Variants in CCDC97 observed in about 807,000 individuals in gnomAD.
CCDC97 encodes the protein coiled-coil domain containing 97.
A neutral mutation model predicts 33.9 loss-of-function variants in CCDC97; 27 were observed. The observed-to-expected ratio is 0.80, with a 90% CI of 0.59 to 1.10. The LOEUF is 1.10. Among genes scored for constraint, CCDC97 ranks in the 50% least tolerant of loss-of-function variants. CCDC97 has a pLI of 0.00. For missense variants in CCDC97, 422 were observed against 476.6 expected, an observed-to-expected ratio of 0.89 and a Z score of 1.07; for synonymous variants, 217 against 194.0, an observed-to-expected ratio of 1.12 and a Z score of -0.99.
intron 1 of CCDC97, among the ~76,000 whole-genome samples, chr19:41,311,784 G>C (rs1167590520): frequency 6.6e-6 from 1 of 151,662 alleles, no homozygotes. Flanking sequence ...CTGTGGTCCC[G>C]GCTACTCAGG....
intron 3 of CCDC97, 84 bp from the exon 4 acceptor site, chr19:41,320,257 G>T: frequency 6.4e-7 from 1 of 1,570,752 alleles, no homozygotes. Context: ...GCTGGGCACA[G>T]GAGCAGCAGC....
In CCDC97 at chr19:41,320,468, C is replaced by T. The variant is rs777084762; in HGVS notation, c.909C>T (p.Tyr303=). Residue 303 remains tyrosine (Y), a splice_region_variant and synonymous_variant, in exon 4 of 5, where the codon TAC becomes TAT. Transcript: ENST00000269967. ...ATGGCAAGGACGGGGACTTTGACTA[C>T]AGGTGCTCCTGTGCCTCCACCTCCC... ...FLDGKDGDFD[Y]STVDDNPDFD... 75 of 1,613,802 alleles carry T rather than the reference C, an allele frequency of 4.6e-5. No individual in the cohort carries two copies. Among genetic ancestry groups the T allele is most frequent in the Non-Finnish European group, 5.7e-5 (67 of 1,179,918 alleles).
Position 41,316,389 on chromosome 19 carries a change from A to G in CCDC97, c.52A>G (p.Ile18Val), listed in dbSNP as rs760285485. Residue 18 changes from isoleucine (I) to valine (V), a missense_variant, in exon 2 of 5, where the codon ATA becomes GTA. Physicochemically the swap from Ile to Val is conservative, Grantham distance 29 (BLOSUM62 3). Coordinates refer to ENST00000269967, the MANE Select transcript of CCDC97 (RefSeq NM_052848.3). ...CCAATCTCTCCTTTCCTCAGGCTGC[A>G]TAGAGCCTGGACCTGGGCACTGGGG... ...TAAKEPDKGC[I>V]EPGPGHWGEL... is the part of the protein sequence containing the mutation. 5 of 1,609,152 alleles carry G rather than the reference A, an allele frequency of 3.1e-6. No homozygotes were observed. The East Asian group carries it at 6.7e-5, about 22-fold the overall frequency.
At position 41,310,698 on chromosome 19, in the gene CCDC97, T is replaced by C. The variant is rs942817098; in HGVS notation, c.46+342T>C. ...TGCCTCAGACCAGCCCTTCTCAAAT[T>C]ACCTCCTTCCCTGTACCAAGCTGAG... On this transcript the variant is annotated intron_variant, in intron 1 of 4. Coordinates refer to ENST00000269967, the MANE Select transcript of CCDC97 (RefSeq NM_052848.3). 42 of 1,186,300 alleles carry C rather than the reference T, an allele frequency of 3.5e-5. No individual in the cohort carries two copies. The Middle Eastern group carries it at 1.0e-3, about 29-fold the overall frequency. 73.5% of individuals were successfully genotyped at this position (1,186,300 alleles called of 1,614,324 possible). A position where few individuals can be genotyped will look rare whatever the true frequency, so the allele number is the denominator to read the frequency against.
chr19:41,318,129 G>C (rs1470776848), intron 2 of CCDC97, among the ~76,000 whole-genome samples: 1 of 151,914 alleles, frequency 6.6e-6, no homozygotes, highest in African/African-American at 2.4e-5. Context: ...GATAATCCAA[G>C]TTGGGGAGAA....
Position 41,316,614 on chromosome 19 carries a change from G to A in CCDC97, c.277G>A (p.Val93Met). Reference sequence around the variant, plus strand: ...ACCCGACTTGACAGAGCATGAGAAAGTGGCCATCCTGGCCCAGCTGTACCA... The same window carrying A: ...ACCCGACTTGACAGAGCATGAGAAAATGGCCATCCTGGCCCAGCTGTACCA... ...GEPDLTEHEK[V>M]AILAQLYHEK... Residue 93 changes from valine (V) to methionine (M), a missense_variant, in exon 2 of 5, where the codon GTG (valine) becomes ATG (methionine). By Grantham distance (21) the Val-to-Met change is conservative. Coordinates refer to ENST00000269967, the MANE Select transcript of CCDC97 (RefSeq NM_052848.3). 6.2e-7 allele frequency: 1 copy of A among 1,614,236 alleles called. No individual in the cohort carries two copies.
intron 1 of CCDC97, among the ~76,000 whole-genome samples, chr19:41,313,858 C>G (rs1325526677): frequency 1.3e-5 from 2 of 152,058 alleles, no homozygotes; most frequent in Non-Finnish European, 2.9e-5. Flanking sequence ...CACCACCATG[C>G]CCAGCTGATT....
Position 41,310,232 on chromosome 19 carries a change from GAA to G in CCDC97, c.-77_-76del. On this transcript the variant is annotated 5_prime_UTR_variant, in exon 1 of 5. Transcript: ENST00000269967. ...ACCCGGACCCGGAACATTCTCAGGC[GAA>G]AGTGTCTCTTGCGTGCGTGGGCCGG... 1 of 1,541,414 alleles carries G rather than the reference GAA, an allele frequency of 6.5e-7. No homozygotes were observed. Among genetic ancestry groups the G allele is most frequent in the Non-Finnish European group, 8.8e-7 (1 of 1,137,992 alleles).
chr19:41,312,816 C>A (rs537539244), intron 1 of CCDC97, among the ~76,000 whole-genome samples: 6 of 152,066 alleles, frequency 3.9e-5, no homozygotes, highest in Non-Finnish European at 5.9e-5. Context: ...GACGGAGTCT[C>A]GCTCTGTTGA....
chr19:41,310,179 G>T lies in CCDC97; in HGVS notation c.-132G>T. On this transcript the variant is annotated 5_prime_UTR_variant, in exon 1 of 5. Coordinates refer to ENST00000269967, the MANE Select transcript of CCDC97 (RefSeq NM_052848.3). ...CAATGCAACGTCTGCCTTAGGCCCGGAACTTCGGTGCCTGGGCGCAGCGGT... is the reference window on the plus strand; with the variant it reads ...CAATGCAACGTCTGCCTTAGGCCCGTAACTTCGGTGCCTGGGCGCAGCGGT... 5 of 1,318,584 alleles carry T rather than the reference G, an allele frequency of 3.8e-6. No homozygotes were observed. The highest frequency in any genetic ancestry group is 1.3e-5 in the South Asian group (1 of 76,220). 81.7% of individuals were successfully genotyped at this position (1,318,584 alleles called of 1,614,324 possible). A position where few individuals can be genotyped will look rare whatever the true frequency, so the allele number is the denominator to read the frequency against.
rs1310017139 is a variant in CCDC97 at position 41,321,097 on chromosome 19, T to C, written c.911+627T>C. 2.6e-5 allele frequency among the ~76,000 whole-genome samples: 4 copies of C among 152,198 alleles called. No individual in the cohort carries two copies. In the East Asian group the frequency reaches 5.8e-4, roughly 22 times the overall value. ...GGTTTCACATCCAGCCCCGATGACA[T>C]GTGAAATGTGTGACCACACATAAGC... On this transcript the variant is annotated intron_variant, in intron 4 of 4. Transcript: ENST00000269967.
chr19:41,310,321 T>A lies in CCDC97; in HGVS notation c.11T>A (p.Val4Glu), dbSNP rs2037666073. The A allele has an allele frequency of 3.1e-6, 5 of 1,605,328 alleles. No homozygotes were observed. Among genetic ancestry groups the A allele is most frequent in the Non-Finnish European group, 4.3e-6 (5 of 1,176,302 alleles). Residue 4 changes from valine to glutamate, a missense_variant, in exon 1 of 5, where the codon GTG becomes GAG. Val to Glu is a moderately radical substitution (Grantham distance 121). Coordinates refer to ENST00000269967, the MANE Select transcript of CCDC97 (RefSeq NM_052848.3). ...TCCGAGAGAATCAGGATGGAGGCCGTGGCGACGGCGACGGCGGCGAAGGAA... is the reference window on the plus strand; with the variant it reads ...TCCGAGAGAATCAGGATGGAGGCCGAGGCGACGGCGACGGCGGCGAAGGAA... The part of the protein sequence containing the change: MEA[V>E]ATATAAKEPD...
Position 41,322,964 on chromosome 19 carries a change from TTCTGTC to T in CCDC97, c.*253_*258del. 1 of 324,878 alleles carries T rather than the reference TTCTGTC, an allele frequency of 3.1e-6. No individual in the cohort carries two copies. Among genetic ancestry groups the T allele is most frequent in the Non-Finnish European group, 5.8e-6 (1 of 171,944 alleles). 20.1% of individuals were successfully genotyped at this position (324,878 alleles called of 1,614,324 possible). ...TTTCTTGGTGTCTGTCTGGGCTTCT[TTCTGTC>T]TCTTTCTGTCTTTCTGTCTCTCTCC... On this transcript the variant is annotated 3_prime_UTR_variant, in exon 5 of 5. Coordinates refer to ENST00000269967, the MANE Select transcript of CCDC97 (RefSeq NM_052848.3).
rs1262750823 is a variant in CCDC97, at chr19:41,320,223, G to A, written c.782-118G>A. On this transcript the variant is annotated intron_variant, in intron 3 of 4. Transcript: ENST00000269967. ...CCAGGGCCATCTCTGTCACTAGTGT[G>A]TTCCCAGAGCCACCCAGCGCAAGGC... 16 of 1,366,868 alleles carry A rather than the reference G, an allele frequency of 1.2e-5. No individual in the cohort carries two copies. In the East Asian group the frequency reaches 1.4e-4, roughly 12 times the overall value. The allele number at this position is 1,366,868 out of a possible 1,614,324, so 84.7% of individuals were successfully genotyped here. A position where few individuals can be genotyped will look rare whatever the true frequency, so the allele number is the denominator to read the frequency against.
intron 1 of CCDC97, among the ~76,000 whole-genome samples, chr19:41,315,742 G>C (rs1449538552): frequency 6.6e-6 from 1 of 151,230 alleles, no homozygotes; most frequent in African/African-American, 2.4e-5. Context: ...GTGAACCATG[G>C]TTGTGCCATT....
intron 1 of CCDC97, among the ~76,000 whole-genome samples, chr19:41,315,899 G>T (rs140536867): frequency 7.9e-5 from 12 of 152,260 alleles, no homozygotes; most frequent in East Asian, 5.8e-4. Flanking sequence ...TTCGAGACCA[G>T]CCTGAGTAAC....
intron 4 of CCDC97, among the ~76,000 whole-genome samples, 165 bp from the exon 5 acceptor site, chr19:41,322,430 C>T (rs114593910): frequency 0.01 from 1,549 of 152,248 alleles, 24 homozygotes; most frequent in African/African-American, 0.036. Flanking sequence ...AAAATGTTCC[C>T]TTGAGTTTTA....
chr19:41,310,254 G>T lies in CCDC97; in HGVS notation c.-57G>T. Reference sequence around the variant, plus strand: ...GGCGAAAGTGTCTCTTGCGTGCGTGGGCCGGAGGTTAGTGTGCGGGGCCCG... The same window carrying T: ...GGCGAAAGTGTCTCTTGCGTGCGTGTGCCGGAGGTTAGTGTGCGGGGCCCG... On this transcript the variant is annotated 5_prime_UTR_variant, in exon 1 of 5. Coordinates refer to ENST00000269967, the MANE Select transcript of CCDC97 (RefSeq NM_052848.3). 1 of 1,560,440 alleles carries T rather than the reference G, an allele frequency of 6.4e-7. No homozygotes were observed. Among genetic ancestry groups the T allele is most frequent in the South Asian group, 1.2e-5 (1 of 84,896 alleles).
rs2037662116 is a variant in CCDC97 at position 41,310,194 on chromosome 19, G to A, written c.-117G>A. 2 of 1,429,988 alleles carry A rather than the reference G, an allele frequency of 1.4e-6. No homozygotes were observed. The highest frequency in any genetic ancestry group is 1.9e-6 in the Non-Finnish European group (2 of 1,043,652). The allele number at this position is 1,429,988 out of a possible 1,614,324, so 88.6% of individuals were successfully genotyped here. On this transcript the variant is annotated 5_prime_UTR_variant, in exon 1 of 5. Coordinates refer to ENST00000269967, the MANE Select transcript of CCDC97 (RefSeq NM_052848.3). ...CTTAGGCCCGGAACTTCGGTGCCTG[G>A]GCGCAGCGGTGCACCCGGACCCGGA...
Sources: allele counts gnomAD v4.1 joint callset (sites outside exome capture counted in the v4.1 genomes callset), GRCh38; gene constraint gnomAD v4.1.1; transcripts MANE v1.5; gene names NCBI Gene and HGNC (gene_info 2026-07-23, HGNC 2026-07-21).